The following TENM3 variants were observed in gnomAD, a reference collection of about 807,000 sequenced individuals.
TENM3 encodes the protein teneurin transmembrane protein 3, also known as teneurin-3.
Under a neutral mutation model 255.1 loss-of-function variants are expected in TENM3, and 63 were observed. The observed-to-expected ratio is 0.25, with a 90% CI of 0.20 to 0.30. The LOEUF (loss-of-function observed/expected upper bound fraction) is 0.30. Among genes scored for constraint, TENM3 ranks in the 10% least tolerant of loss-of-function variants. The probability of loss-of-function intolerance (pLI) is 1.00; values close to 1 mark genes in which losing one functional copy is unlikely to be tolerated. For synonymous variants in TENM3, 1,306 were observed against 1,322.3 expected, an observed-to-expected ratio of 0.99 and a Z score of 0.27; for missense variants, 2,929 against 3,461.1, an observed-to-expected ratio of 0.85 and a Z score of 3.86.
the TENM3 span, among the ~76,000 whole-genome samples, chr4:181,528,635 C>G: frequency 6.6e-6 from 1 of 152,182 alleles, no homozygotes; most frequent in Non-Finnish European, 1.5e-5. Context: ...GAATTATTCA[C>G]CTCATTTTAC....
chr4:181,683,398 C>T, the TENM3 span, among the ~76,000 whole-genome samples: 3 of 152,204 alleles, frequency 2.0e-5, no homozygotes, highest in South Asian at 6.2e-4. Flanking sequence ...TATGATGGGC[C>T]TCAAATGTCT....
At chr4:182,487,502 T>C (rs1193854483) in intron 3 of TENM3, among the ~76,000 whole-genome samples, 2 of 152,128 alleles carry the variant, frequency 1.3e-5, no homozygotes, top group African/African-American at 4.8e-5. Flanking sequence ...CAGTTCTGGT[T>C]TCATTATTTG....
chr4:181,690,570 A>G, the TENM3 span, among the ~76,000 whole-genome samples: 171 of 152,320 alleles, frequency 1.1e-3, no homozygotes, highest in African/African-American at 3.9e-3. Context: ...AAAAAAATTT[A>G]TGCTCAACGA....
At chr4:182,150,668 G>A (rs756859489) in intron 1 of TENM3, among the ~76,000 whole-genome samples, 3 of 151,910 alleles carry the variant, frequency 2.0e-5, no homozygotes, top group Non-Finnish European at 4.4e-5. Flanking sequence ...AGACCATTTA[G>A]GAGGTAACTT....
intron 23 of TENM3, among the ~76,000 whole-genome samples, chr4:182,774,352 T>G: frequency 6.6e-6 from 1 of 152,368 alleles, no homozygotes; most frequent in Middle Eastern, 3.4e-3. Context: ...TGGTCCTATA[T>G]TATTTCAAAA....
intron 1 of TENM3, among the ~76,000 whole-genome samples, chr4:182,310,310 C>G (rs1762368820): frequency 6.6e-6 from 1 of 152,158 alleles, no homozygotes; most frequent in South Asian, 2.1e-4. Flanking sequence ...ATCCTCCTGC[C>G]TCAGCCTCCC....
the TENM3 span, among the ~76,000 whole-genome samples, chr4:182,068,806 A>T: frequency 2.0e-5 from 3 of 152,106 alleles, no homozygotes. Flanking sequence ...AAACATGAAG[A>T]ATTTTGGTAG....
chr4:181,646,023 G>T, the TENM3 span, among the ~76,000 whole-genome samples: 1 of 152,134 alleles, frequency 6.6e-6, no homozygotes, highest in Non-Finnish European at 1.5e-5. Context: ...ATCCTCACAG[G>T]TGCAGGCAAA....
chr4:181,498,258 T>G, the TENM3 span, among the ~76,000 whole-genome samples: 1 of 152,100 alleles, frequency 6.6e-6, no homozygotes, highest in Non-Finnish European at 1.5e-5. Context: ...AAAATACATT[T>G]TAGTTGACTA....
At chr4:182,067,703 C>T in the TENM3 span, among the ~76,000 whole-genome samples, 1 of 152,296 alleles carries the variant, frequency 6.6e-6, no homozygotes, top group South Asian at 2.1e-4. Context: ...TTGGTGATTT[C>T]TCCAAGGCCC....
At chr4:182,593,855 C>G (rs1581044154) in intron 3 of TENM3, among the ~76,000 whole-genome samples, 1 of 152,134 alleles carries the variant, frequency 6.6e-6, no homozygotes, top group Admixed American at 6.5e-5. Flanking sequence ...TTTCCTGTCT[C>G]AAAGTCCATT....
chr4:181,549,530 C>T, the TENM3 span, among the ~76,000 whole-genome samples: 75 of 152,338 alleles, frequency 4.9e-4, 1 homozygote, highest in East Asian at 0.013. Flanking sequence ...TCAGCCCTTC[C>T]AGGCATGTAT....
At chr4:182,563,492 T>A (rs1049344619) in intron 3 of TENM3, among the ~76,000 whole-genome samples, 3 of 150,590 alleles carry the variant, frequency 2.0e-5, no homozygotes, top group Non-Finnish European at 3.0e-5. Flanking sequence ...TTACTTGATA[T>A]AATTCACTTG....
intron 1 of TENM3, among the ~76,000 whole-genome samples, chr4:182,168,203 C>T (rs905584011): frequency 1.3e-5 from 2 of 151,826 alleles, no homozygotes; most frequent in Middle Eastern, 3.4e-3. Flanking sequence ...GGTGCAATCA[C>T]GGGTCACAGC....
chr4:182,682,047 C>T (rs1756221006), intron 11 of TENM3, 33 bp downstream of exon 11: 1 of 1,559,492 alleles, frequency 6.4e-7, no homozygotes, highest in African/African-American at 1.4e-5. Flanking sequence ...AATCGAGTTG[C>T]TTAATACTGT....
rs184130280 is a variant in TENM3 at position 182,772,115 on chromosome 4, G to A, written c.4893-1357G>A. 2.6e-4 allele frequency among the ~76,000 whole-genome samples: 39 copies of A among 152,056 alleles called. No homozygotes were observed. The East Asian group carries it at 5.4e-3, about 21-fold the overall frequency. On this transcript the variant is annotated intron_variant, in intron 22 of 27. Coordinates refer to ENST00000511685, the MANE Select transcript of TENM3 (RefSeq NM_001080477.4). ...CTCTCTACTGTAACATTGTCCTGGC[G>A]GAGTCTTCTCTGTCTTTATCACCTA...
the TENM3 span, among the ~76,000 whole-genome samples, chr4:181,550,190 T>C: frequency 6.6e-6 from 1 of 152,176 alleles, no homozygotes; most frequent in East Asian, 1.9e-4. Flanking sequence ...GTAATGTTCA[T>C]GAGAAACAGA....
chr4:181,514,270 A>G, the TENM3 span, among the ~76,000 whole-genome samples: 2 of 152,174 alleles, frequency 1.3e-5, no homozygotes, highest in Admixed American at 1.3e-4. Context: ...TTGTAATTAC[A>G]GTAAAAAGTT....
At chr4:182,304,219 A>AT (rs923381248) in intron 1 of TENM3, among the ~76,000 whole-genome samples, 13 of 148,622 alleles carry the variant, frequency 8.7e-5, no homozygotes, top group East Asian at 2.0e-4. Flanking sequence ...CTTTCAAGAA[A>AT]TTTTTTTTTT....
Sources: allele counts gnomAD v4.1 joint callset (sites outside exome capture counted in the v4.1 genomes callset), GRCh38; gene constraint gnomAD v4.1.1; transcripts MANE v1.5; gene names NCBI Gene and HGNC (gene_info 2026-07-23, HGNC 2026-07-21).